The following HDAC9 variants were observed in gnomAD, a reference collection of about 807,000 sequenced individuals.
HDAC9 encodes MEF-2 interacting transcription repressor (MITR) protein.
A neutral mutation model predicts 139.4 loss-of-function variants in HDAC9; 41 were observed. That is an observed-to-expected ratio of 0.29 (90% CI 0.23 to 0.38). HDAC9 has a LOEUF of 0.38. HDAC9 is among the 10% of genes least tolerant of loss of function. HDAC9 has a pLI of 1.00. For missense variants in HDAC9, 1,147 were observed against 1,297.0 expected (o/e 0.88, Z 1.78); for synonymous variants, 517 against 476.2 (o/e 1.09, Z -1.12).
rs76713157 is a variant in HDAC9, at chr7:18,398,087, T to G, written c.-41-98175T>G. Among the ~76,000 whole-genome samples the G allele has an allele frequency of 5.6e-3, 847 of 152,348 alleles. 13 individuals are homozygous for G. The highest frequency in any genetic ancestry group is 0.02 in the African/African-American group (814 of 41,574). On this transcript the variant is annotated intron_variant, in intron 1 of 3. Coordinates refer to the HDAC9 transcript ENST00000413509. Reference sequence around the variant, plus strand: ...TTCCAAGTTTATTCTAAAGTAAATTTGTATTACAGGGTGTTATGATCCATT... The same window carrying G: ...TTCCAAGTTTATTCTAAAGTAAATTGGTATTACAGGGTGTTATGATCCATT...
intron 6 of HDAC9, among the ~76,000 whole-genome samples, chr7:18,607,834 A>G (rs1835952056): frequency 1.3e-5 from 2 of 152,226 alleles, no homozygotes; most frequent in Non-Finnish European, 2.9e-5. Flanking sequence ...TTTGAAGAAT[A>G]TATAAGAAAT....
chr7:18,804,644 C>G (rs1246674433), intron 17 of HDAC9, among the ~76,000 whole-genome samples: 1 of 152,118 alleles, frequency 6.6e-6, no homozygotes, highest in East Asian at 1.9e-4. Context: ...TGACCAAATC[C>G]TAAACTGTGG....
intron 21 of HDAC9, among the ~76,000 whole-genome samples, chr7:18,854,579 G>A (rs767486977): frequency 1.3e-4 from 20 of 151,738 alleles, no homozygotes; most frequent in Non-Finnish European, 2.2e-4. Context: ...GGAGGGTAGA[G>A]AAAATATAGA....
chr7:18,718,809 A>C (rs1417247249), intron 12 of HDAC9, among the ~76,000 whole-genome samples: 1 of 152,192 alleles, frequency 6.6e-6, no homozygotes, highest in African/African-American at 2.4e-5. Context: ...TTGCTGGGTC[A>C]TAGGGTAACT....
chr7:18,124,255 A>G (rs781476910), intron 1 of HDAC9, among the ~76,000 whole-genome samples: 6 of 152,218 alleles, frequency 3.9e-5, no homozygotes, highest in Non-Finnish European at 8.8e-5. Flanking sequence ...GGTGAATGTT[A>G]TCTATGTCTT....
intron 15 of HDAC9, among the ~76,000 whole-genome samples, chr7:18,763,454 A>G (rs1422353228): frequency 6.6e-6 from 1 of 152,202 alleles, no homozygotes; most frequent in Non-Finnish European, 1.5e-5. Flanking sequence ...TAGAAAGTAC[A>G]TTGCTAATAT....
intron 22 of HDAC9, among the ~76,000 whole-genome samples, chr7:18,903,461 A>G (rs747068241): frequency 8.5e-5 from 13 of 152,132 alleles, no homozygotes; most frequent in African/African-American, 1.2e-4. Context: ...CCTCTTGTCA[A>G]TCTTTCAAAT....
chr7:18,455,856 C>A (rs1024490699), intron 1 of HDAC9, among the ~76,000 whole-genome samples: 1 of 152,194 alleles, frequency 6.6e-6, no homozygotes, highest in African/African-American at 2.4e-5. Flanking sequence ...GTTTTCCTTG[C>A]TGTTTAAAAA....
intron 1 of HDAC9, among the ~76,000 whole-genome samples, chr7:18,299,885 G>A (rs1052860151): frequency 3.9e-5 from 6 of 152,258 alleles, no homozygotes; most frequent in South Asian, 4.1e-4. Context: ...AGGGAGCTAC[G>A]TATTTTAGTC....
intron 23 of HDAC9, among the ~76,000 whole-genome samples, chr7:18,952,628 C>A (rs900185870): frequency 6.6e-6 from 1 of 151,968 alleles, no homozygotes; most frequent in Non-Finnish European, 1.5e-5. Flanking sequence ...TGAACCTTGT[C>A]TAATGCATAA....
intron 23 of HDAC9, chr7:18,948,790 A>C (rs6946444): frequency 6.5e-4 from 127 of 194,624 alleles, no homozygotes; most frequent in African/African-American, 2.7e-3. Context: ...CATTTATCAG[A>C]TATGGTATGT....
chr7:18,157,802 C>CGAGAGAGAG (rs1238915333), intron 1 of HDAC9, among the ~76,000 whole-genome samples: 3 of 86,224 alleles, frequency 3.5e-5, no homozygotes, highest in African/African-American at 1.5e-4. Flanking sequence ...GGTTCTAAGG[C>CGAGAGAGAG]ATGAGAGAGA....
chr7:18,431,061 TGTCCA>T (rs1326937137), intron 1 of HDAC9, among the ~76,000 whole-genome samples: 2,602 of 91,282 alleles, frequency 0.029, 78 homozygotes, highest in African/African-American at 0.091. Context: ...TGTCCTGTCC[TGTCCA>T]GTCCAGTCCT....
At chr7:18,557,173 T>G (rs1342190551) in intron 2 of HDAC9, among the ~76,000 whole-genome samples, 1 of 152,010 alleles carries the variant, frequency 6.6e-6, no homozygotes, top group African/African-American at 2.4e-5. Context: ...TGGTTATTTT[T>G]AAAGCCAGAA....
At chr7:18,209,083 T>C (rs557484773) in intron 2 of HDAC9, among the ~76,000 whole-genome samples, 3 of 152,344 alleles carry the variant, frequency 2.0e-5, no homozygotes, top group Admixed American at 6.5e-5. Context: ...CAAATTCCTG[T>C]GGGCCTTTTG....
intron 11 of HDAC9, among the ~76,000 whole-genome samples, chr7:18,655,302 C>G (rs1203384919): frequency 6.6e-6 from 1 of 151,966 alleles, no homozygotes; most frequent in Admixed American, 6.6e-5. Flanking sequence ...ATAGTATGTC[C>G]AAAAACTTTA....
intron 21 of HDAC9, among the ~76,000 whole-genome samples, chr7:18,841,427 G>C (rs1796575055): frequency 6.6e-6 from 1 of 152,034 alleles, no homozygotes; most frequent in Non-Finnish European, 1.5e-5. Context: ...AGTATTCGTT[G>C]AGGCTTTAAT....
chr7:18,312,469 G>A (rs562960586), intron 1 of HDAC9, among the ~76,000 whole-genome samples: 6 of 152,198 alleles, frequency 3.9e-5, no homozygotes, highest in South Asian at 4.1e-4. Context: ...AGTGCCTTGT[G>A]CCTCCTTTTT....
chr7:18,156,450 C>G (rs1407105875), intron 1 of HDAC9, among the ~76,000 whole-genome samples: 2 of 152,158 alleles, frequency 1.3e-5, no homozygotes, highest in Non-Finnish European at 2.9e-5. Flanking sequence ...AATCCAAGGA[C>G]TATGTTCTAG....
Sources: gnomAD v4.1 joint callset for allele counts (sites outside exome capture counted in the v4.1 genomes callset) on GRCh38, gnomAD v4.1.1 for gene constraint, MANE v1.5 for transcripts, NCBI Gene and HGNC (gene_info 2026-07-23, HGNC 2026-07-21) for gene names.